The following KATNIP variants were observed in gnomAD, a reference collection of about 807,000 sequenced individuals.
KATNIP encodes katanin interacting protein.
Under a neutral mutation model 174.0 loss-of-function variants are expected in KATNIP, and 126 were observed. The ratio of observed to expected loss-of-function variants is 0.72; its 90% confidence interval spans 0.63 to 0.84. The LOEUF (loss-of-function observed/expected upper bound fraction) is 0.84. KATNIP is among the 40% of genes least tolerant of loss of function. The pLI is 0.00. For synonymous variants in KATNIP, 810 were observed against 835.7 expected (o/e 0.97, Z 0.53); for missense variants, 1,958 against 2,109.7 (o/e 0.93, Z 1.41).
At position 27,740,297 on chromosome 16, in the gene KATNIP, C is replaced by T. The variant is rs748041970; in HGVS notation, c.2000C>T (p.Ala667Val). 28 of 1,614,108 alleles carry T rather than the reference C, an allele frequency of 1.7e-5. No individual in the cohort carries two copies. The highest frequency in any genetic ancestry group is 1.6e-4 in the Middle Eastern group (1 of 6,084). ...TGCTCACCGCCAGCTGAAACATTAGCGGATGCAAAGCTTTCTTCACAAGGA... is the reference window on the plus strand; with the variant it reads ...TGCTCACCGCCAGCTGAAACATTAGTGGATGCAAAGCTTTCTTCACAAGGA... The part of the protein sequence containing the change: ...LGCSPPAETL[A>V]DAKLSSQGNV... The change falls in exon 15 of 28, where the codon GCG (alanine) becomes GTG (valine). Residue 667 changes from alanine (A) to valine (V), a missense_variant. Around this residue, in one of 3 missense-constraint regions of KATNIP, gnomAD observed 1,557 missense variants for 1,617.8 expected, o/e 0.96. Coordinates refer to ENST00000261588, the MANE Select transcript of KATNIP (RefSeq NM_015202.5).
At chr16:27,619,853 A>C (rs2076144579) in intron 3 of KATNIP, among the ~76,000 whole-genome samples, 1 of 152,070 alleles carries the variant, frequency 6.6e-6, no homozygotes, top group African/African-American at 2.4e-5. Context: ...CTCCATCCCC[A>C]CATCAACCTC....
Position 27,606,500 on chromosome 16 carries a change from G to GACAC in KATNIP, c.64-11915_64-11912dup, listed in dbSNP as rs949880749. Reference sequence around the variant, plus strand: ...TCATACACACACACACACACACACAGACACACACACACATACACACACACA... The same window carrying GACAC: ...TCATACACACACACACACACACACAGACACACACACACACACATACACACACACA... On this transcript the variant is annotated intron_variant, in intron 2 of 27. Transcript: ENST00000261588. Among the ~76,000 whole-genome samples, 14 of 148,170 alleles carry GACAC rather than the reference G, an allele frequency of 9.4e-5. No individual in the cohort carries two copies. The Admixed American group carries it at 9.5e-4, about 10-fold the overall frequency.
chr16:27,643,678 T>C (rs1230658626), intron 5 of KATNIP, among the ~76,000 whole-genome samples: 1 of 145,910 alleles, frequency 6.9e-6, no homozygotes, highest in Non-Finnish European at 1.5e-5. Flanking sequence ...TGGCACGTAG[T>C]GTGAAAGCGT....
chr16:27,723,896 C>T (rs1597300679), intron 14 of KATNIP, among the ~76,000 whole-genome samples: 2 of 152,096 alleles, frequency 1.3e-5, no homozygotes, highest in Admixed American at 6.5e-5. Flanking sequence ...CTAGTGATCA[C>T]GTCGTGAGCA....
chr16:27,659,810 G>A (rs574740357), intron 6 of KATNIP, among the ~76,000 whole-genome samples: 1 of 152,288 alleles, frequency 6.6e-6, no homozygotes, highest in Non-Finnish European at 1.5e-5. Flanking sequence ...GCTCAGATTC[G>A]TGACTAGAAG....
intron 6 of KATNIP, among the ~76,000 whole-genome samples, chr16:27,657,608 AAAAC>A (rs138255117): frequency 1.3e-5 from 2 of 151,576 alleles, no homozygotes; most frequent in Admixed American, 6.6e-5. Context: ...AAAACAAAAC[AAAAC>A]AAACAAAAAA....
intron 8 of KATNIP, among the ~76,000 whole-genome samples, chr16:27,694,758 T>C (rs951063047): frequency 6.6e-6 from 1 of 151,990 alleles, no homozygotes; most frequent in African/African-American, 2.4e-5. Context: ...ATTGTGCCAC[T>C]GCACTCCAGC....
chr16:27,664,915 G>A (rs1453672632), intron 6 of KATNIP, among the ~76,000 whole-genome samples: 1 of 152,126 alleles, frequency 6.6e-6, no homozygotes, highest in Non-Finnish European at 1.5e-5. Context: ...GTGTGACAGG[G>A]AGCCCTGAGG....
At chr16:27,713,794 G>GTGTATATATATACACATACATATTATATA (rs1379896301) in intron 13 of KATNIP, among the ~76,000 whole-genome samples, 1 of 86,440 alleles carries the variant, frequency 1.2e-5, no homozygotes, top group East Asian at 3.0e-4. Context: ...ATATATGTGT[G>GTGTATATATATACACATACATATTATATA]TGTGTGTGTA....
rs146153182 is a variant in KATNIP at position 27,702,769 on chromosome 16, G to A, written c.1286+1074G>A. ...TATAACTTAAAGGAAAACTGAATAG[G>A]CTAAAGGCAGCGCCATCCATTCCTT... is the stretch of plus-strand genomic sequence containing the variant. On this transcript the variant is annotated intron_variant, in intron 11 of 27. Transcript: ENST00000261588. Among the ~76,000 whole-genome samples, 437 of 152,296 alleles carry A rather than the reference G, an allele frequency of 2.9e-3. 1 individual carries two copies. Among genetic ancestry groups the A allele is most frequent in the Admixed American group, 4.2e-3 (64 of 15,306 alleles).
chr16:27,581,547 G>A (rs1054766140), intron 2 of KATNIP, among the ~76,000 whole-genome samples: 2 of 152,140 alleles, frequency 1.3e-5, no homozygotes, highest in African/African-American at 4.8e-5. Context: ...TGAGAGGAGG[G>A]ACGTTTACTT....
rs73517311 is a variant in KATNIP, at chr16:27,721,490, G to A, written c.1606-68G>A. On this transcript the variant is annotated intron_variant, in intron 13 of 27. Transcript: ENST00000261588. ...CCTGGTTTTCGTGAGCCAAAGAGCC[G>A]CTGCCATTTTACTTTGGGGAGAGGC... 3.1e-3 allele frequency: 4,861 copies of A among 1,588,744 alleles called. 122 individuals carry two copies. The African/African-American group carries it at 0.057, about 19-fold the overall frequency.
At chr16:27,563,396 G>A (rs966368417) in intron 1 of KATNIP, among the ~76,000 whole-genome samples, 2 of 152,196 alleles carry the variant, frequency 1.3e-5, no homozygotes, top group African/African-American at 4.8e-5. Flanking sequence ...GTGCACGCCT[G>A]TGGTCCCATC....
At chr16:27,617,891 C>G (rs1032131792) in intron 2 of KATNIP, among the ~76,000 whole-genome samples, 3 of 151,990 alleles carry the variant, frequency 2.0e-5, no homozygotes, top group African/African-American at 4.8e-5. Context: ...CATGCACCAC[C>G]CAGGCCTGGC....
chr16:27,678,075 C>A, intron 7 of KATNIP, 79 bp downstream of exon 7: 1 of 1,495,696 alleles, frequency 6.7e-7, no homozygotes, highest in Non-Finnish European at 9.2e-7. Flanking sequence ...TCCAGTGGTC[C>A]TTTGAGTTCC....
chr16:27,698,323 C>G lies in KATNIP; in HGVS notation c.941-5C>G. On this transcript the variant is annotated splice_polypyrimidine_tract_variant and splice_region_variant and intron_variant, in intron 8 of 27. Coordinates refer to ENST00000261588, the MANE Select transcript of KATNIP (RefSeq NM_015202.5). The stretch of plus-strand genomic sequence containing the variant: ...AAAGAACGTCCCCCTGTCTTCTGCC[C>G]TCAGGACCTGGAAGCCGGCGAGAGA... The G allele has an allele frequency of 6.2e-7, 1 of 1,606,150 alleles. No homozygotes were observed. The highest frequency in any genetic ancestry group is 8.5e-7 in the Non-Finnish European group (1 of 1,174,686).
chr16:27,641,628 G>A (rs1403605001), intron 5 of KATNIP, among the ~76,000 whole-genome samples: 3 of 152,158 alleles, frequency 2.0e-5, no homozygotes, highest in Non-Finnish European at 1.5e-5. Flanking sequence ...CAGAAGCAAC[G>A]GCTTCCACCA....
intron 2 of KATNIP, among the ~76,000 whole-genome samples, chr16:27,608,226 C>CTTT (rs35752811): frequency 2.7e-3 from 294 of 109,816 alleles, no homozygotes; most frequent in Non-Finnish European, 3.5e-3. Context: ...TGGTAAAATT[C>CTTT]TTTTTTTTTT....
intron 6 of KATNIP, among the ~76,000 whole-genome samples, chr16:27,662,514 C>A (rs2077559866): frequency 6.6e-6 from 1 of 152,016 alleles, no homozygotes; most frequent in Admixed American, 6.6e-5. Flanking sequence ...TCAGACAGCA[C>A]AGGGCAAGCT....
Sources: allele counts gnomAD v4.1 joint callset (sites outside exome capture counted in the v4.1 genomes callset), GRCh38; gene constraint gnomAD v4.1.1; regional missense constraint gnomAD v4.1.1; transcripts MANE v1.5; gene names NCBI Gene and HGNC (gene_info 2026-07-23, HGNC 2026-07-21).